TTC23: variants seen among roughly 807,000 people sequenced by gnomAD.
TTC23 encodes tetratricopeptide repeat protein 23.
In TTC23, 58 loss-of-function variants were observed where a neutral mutation model predicts 55.1. The ratio of observed to expected loss-of-function variants is 1.05; its 90% CI spans 0.85 to 1.31. The LOEUF (loss-of-function observed/expected upper bound fraction) is 1.31. Among genes scored for constraint, TTC23 ranks in the 50% most tolerant of loss-of-function variants. The pLI is 0.00. For synonymous variants in TTC23, 203 were observed against 199.9 expected, an observed-to-expected ratio of 1.02 and a Z score of -0.13; for missense variants, 516 against 534.4, an observed-to-expected ratio of 0.97 and a Z score of 0.34.
chr15:99,248,064 G>C (rs994157154), intron 1 of TTC23: 1 of 152,022 alleles, frequency 6.6e-6, no homozygotes, highest in African/African-American at 2.4e-5. Context: ...GTGTGGCAGC[G>C]GTCCCCAAAA....
At chr15:99,202,052 A>G (rs1306557915) in intron 8 of TTC23, among the ~76,000 whole-genome samples, 2 of 152,222 alleles carry the variant, frequency 1.3e-5, no homozygotes, top group African/African-American at 4.8e-5. Context: ...CCATTCGTTT[A>G]CATATCATCC....
rs572953924 is a variant in TTC23, at chr15:99,142,715, C to T, written c.1144-3316G>A. 2.6e-5 allele frequency among the ~76,000 whole-genome samples: 4 copies of T among 152,254 alleles called. No homozygotes were observed. The South Asian group carries it at 6.2e-4, about 24-fold the overall frequency. On this transcript the variant is annotated intron_variant, in intron 12 of 13. Coordinates refer to ENST00000394132, the MANE Select transcript of TTC23 (RefSeq NM_001288615.3). Reference sequence around the variant, plus strand: ...GCATTGGTGAATATGCACGAATCCCCGGGAAGAATGAGAAGGCAACTGACA... The same window carrying T: ...GCATTGGTGAATATGCACGAATCCCTGGGAAGAATGAGAAGGCAACTGACA...
chr15:99,223,178 G>A (rs1233953783), intron 5 of TTC23, among the ~76,000 whole-genome samples: 1 of 152,170 alleles, frequency 6.6e-6, no homozygotes, highest in African/African-American at 2.4e-5. Flanking sequence ...TGGTGGCTTT[G>A]CTTTCTGTCT....
rs782225366 is a variant in TTC23 at position 99,138,050 on chromosome 15, G to T, written c.1304C>A (p.Thr435Asn). ...GCCGGGCCGGGCCTTCCCCAGCAGG[G>T]TGTCCTGAGGGATGCTGGTGCAGAA... ...VAFCTSIPQD[T>N]LLGKARPGTT... is the part of the protein sequence containing the mutation. The change falls in exon 14 of 14, where the codon ACC becomes AAC. Residue 435 changes from threonine (T) to asparagine (N), a missense_variant. Transcript: ENST00000394132. The T allele has an allele frequency of 4.0e-5, 65 of 1,613,934 alleles. No homozygotes were observed. Among genetic ancestry groups the T allele is most frequent in the Non-Finnish European group, 5.2e-5 (61 of 1,180,026 alleles).
chr15:99,147,288 C>G (rs1403818303), intron 12 of TTC23, among the ~76,000 whole-genome samples: 10 of 134,958 alleles, frequency 7.4e-5, no homozygotes, highest in South Asian at 2.4e-4. Context: ...TGCAGCGGCG[C>G]GATCTCAGCT....
intron 9 of TTC23, among the ~76,000 whole-genome samples, chr15:99,175,433 G>A (rs1405849166): frequency 6.6e-6 from 1 of 152,228 alleles, no homozygotes; most frequent in African/African-American, 2.4e-5. Context: ...TGAGTCCAGT[G>A]TCAGCAAAGG....
In TTC23 at chr15:99,221,800, G is replaced by A; in HGVS notation, c.245C>T (p.Ser82Leu). ...ATGTGCCTCTGCTAGTTTCCAATGT[G>A]AGTCTCCATAGCAAATTCTTGTCAG... ...VALTRICYGD[S>L]HWKLAEAHVN... Residue 82 changes from serine (S) to leucine (L), a missense_variant, in exon 6 of 14, where the codon TCA becomes TTA. Transcript: ENST00000394132. 6.2e-7 allele frequency: 1 copy of A among 1,614,158 alleles called. No individual in the cohort carries two copies. Among genetic ancestry groups the A allele is most frequent in the Non-Finnish European group, 8.5e-7 (1 of 1,180,012 alleles).
chr15:99,240,236 T>G (rs1288488951), intron 3 of TTC23, among the ~76,000 whole-genome samples: 1 of 152,248 alleles, frequency 6.6e-6, no homozygotes, highest in African/African-American at 2.4e-5. Flanking sequence ...ATTCTGGGCC[T>G]CTGAACCTAG....
rs568806406 is a variant in TTC23 at position 99,195,468 on chromosome 15, G to A, written c.759+4451C>T. On this transcript the variant is annotated intron_variant, in intron 9 of 13. Coordinates refer to ENST00000394132, the MANE Select transcript of TTC23 (RefSeq NM_001288615.3). The stretch of plus-strand genomic sequence containing the variant: ...ACTTGATGGATATGAAGGATATGGA[G>A]TGACAGAAACTCTCGTTCATTGCTG... Among the ~76,000 whole-genome samples, 27 of 152,318 alleles carry A rather than the reference G, an allele frequency of 1.8e-4. No individual in the cohort carries two copies. In the South Asian group the frequency reaches 2.1e-3, roughly 12 times the overall value.
intron 9 of TTC23, among the ~76,000 whole-genome samples, chr15:99,187,175 TTTTGACATGGGTCCCAAAATAA>T (rs1245151327): frequency 2.6e-5 from 4 of 151,972 alleles, no homozygotes; most frequent in Non-Finnish European, 5.9e-5. Context: ...GGCCAATTTA[TTTTGACATGGGTCCCAAAATAA>T]TTTGATGGTG....
intron 12 of TTC23, among the ~76,000 whole-genome samples, chr15:99,148,217 C>A (rs1041065996): frequency 2.0e-5 from 3 of 151,640 alleles, no homozygotes; most frequent in Non-Finnish European, 4.4e-5. Context: ...ACAAGTTAGC[C>A]AGGCATGGTG....
chr15:99,212,713 T>C (rs1327543865), intron 8 of TTC23, among the ~76,000 whole-genome samples: 3 of 152,160 alleles, frequency 2.0e-5, no homozygotes, highest in South Asian at 4.2e-4. Flanking sequence ...AAGAGGGACA[T>C]AGGACTGAGT....
intron 9 of TTC23, among the ~76,000 whole-genome samples, chr15:99,199,404 CAAAAAAA>C (rs35189767): frequency 6.5e-4 from 38 of 58,202 alleles, no homozygotes; most frequent in Admixed American, 1.4e-3. Flanking sequence ...CCTGTCTCTC[CAAAAAAA>C]AAAAAAAAAA....
intron 9 of TTC23, among the ~76,000 whole-genome samples, chr15:99,185,312 G>A (rs548344111): frequency 3.3e-5 from 5 of 152,236 alleles, no homozygotes; most frequent in East Asian, 1.9e-4. Context: ...AATAAGAAGC[G>A]CGACCATTAG....
At chr15:99,209,653 A>G (rs2076883867) in intron 8 of TTC23, among the ~76,000 whole-genome samples, 1 of 152,196 alleles carries the variant, frequency 6.6e-6, no homozygotes, top group South Asian at 2.1e-4. Context: ...GAATGAAAGG[A>G]GATGACATCT....
At chr15:99,153,475 C>T (rs1249875583) in intron 12 of TTC23, among the ~76,000 whole-genome samples, 2 of 152,134 alleles carry the variant, frequency 1.3e-5, no homozygotes, top group African/African-American at 4.8e-5. Flanking sequence ...GAGAAAAATA[C>T]TCGATTTATA....
At chr15:99,222,190 C>T (rs1189502345) in intron 5 of TTC23, among the ~76,000 whole-genome samples, 1 of 152,212 alleles carries the variant, frequency 6.6e-6, no homozygotes, top group African/African-American at 2.4e-5. Flanking sequence ...CAGCTGCCCA[C>T]CAATGAACAG....
In TTC23 at chr15:99,170,635, G is replaced by A. The variant is rs117465252; in HGVS notation, c.865+4415C>T. 2.4e-3 allele frequency among the ~76,000 whole-genome samples: 371 copies of A among 152,362 alleles called. 6 individuals carry two copies. Among genetic ancestry groups the A allele is most frequent in the East Asian group, 0.012 (63 of 5,186 alleles). On this transcript the variant is annotated intron_variant, in intron 10 of 13. Transcript: ENST00000394132. The stretch of plus-strand genomic sequence containing the variant: ...GGTTGCCCCTTAGTTGTTACACAAA[G>A]ATACGTTGCAAATTGCCCTCTCTTA...
chr15:99,176,821 A>G lies in TTC23; in HGVS notation c.760-1666T>C, dbSNP rs1164250009. Among the ~76,000 whole-genome samples the G allele has an allele frequency of 6.6e-5, 10 of 152,310 alleles. No homozygotes were observed. The South Asian group carries it at 8.3e-4, about 13-fold the overall frequency. ...ATTATGATATCTCACAGCTAATAAG[A>G]GATAGAGATAAGAGTCTGACCCTGA... On this transcript the variant is annotated intron_variant, in intron 9 of 13. Coordinates refer to ENST00000394132, the MANE Select transcript of TTC23 (RefSeq NM_001288615.3).
Sources: allele counts gnomAD v4.1 joint callset (sites outside exome capture counted in the v4.1 genomes callset), GRCh38; gene constraint gnomAD v4.1.1; transcripts MANE v1.5; gene names NCBI Gene and HGNC (gene_info 2026-07-23, HGNC 2026-07-21).